Variants in ITIH3 observed in about 807,000 individuals in gnomAD.
ITIH3 encodes the protein inter-alpha-trypsin inhibitor heavy chain H3.
Under a neutral mutation model 96.5 loss-of-function variants are expected in ITIH3, and 81 were observed. The ratio of observed to expected loss-of-function variants is 0.84; its 90% CI spans 0.70 to 1.01. The LOEUF (loss-of-function observed/expected upper bound fraction) is 1.01. Among genes scored for constraint, ITIH3 ranks in the 50% least tolerant of loss-of-function variants. The pLI is 0.00. For missense variants in ITIH3, 1,057 were observed against 1,139.3 expected (o/e 0.93, Z 1.04); for synonymous variants, 422 against 445.2 (o/e 0.95, Z 0.66).
At chr3:52,804,864 G>GC (rs1699980413) in intron 15 of ITIH3, 130 bp downstream of exon 15, 3 of 984,510 alleles carry the variant, frequency 3.0e-6, no homozygotes, top group Non-Finnish European at 4.6e-6. Context: ...CTCAGGCCCA[G>GC]CCCTATTGCC....
Position 52,802,658 on chromosome 3 carries a change from C to T in ITIH3, c.1570-9C>T, listed in dbSNP as rs768346911. Reference sequence around the variant, plus strand: ...TCCAGCCCCTTGCCTCCTTCTACCCCCACCCTAGGCCACCAACGACCTGAC... The same window carrying T: ...TCCAGCCCCTTGCCTCCTTCTACCCTCACCCTAGGCCACCAACGACCTGAC... On this transcript the variant is annotated splice_polypyrimidine_tract_variant and intron_variant, in intron 12 of 21. Transcript: ENST00000449956. The T allele has an allele frequency of 1.9e-6, 3 of 1,613,728 alleles. No individual in the cohort carries two copies. The highest frequency in any genetic ancestry group is 2.7e-5 in the African/African-American group (2 of 74,884).
intron 8 of ITIH3, 43 bp from the exon 9 acceptor site, chr3:52,799,710 A>C (rs1578754679): frequency 1.3e-6 from 2 of 1,561,176 alleles, no homozygotes; most frequent in Middle Eastern, 1.8e-4. Flanking sequence ...AAGGGACCTC[A>C]CTCTCTGCTG....
intron 7 of ITIH3, 31 bp from the exon 8 acceptor site, chr3:52,799,341 A>G: frequency 1.3e-6 from 2 of 1,505,786 alleles, no homozygotes; most frequent in South Asian, 1.2e-5. Flanking sequence ...CTAAAAGGAC[A>G]CCGGCCTCCG....
chr3:52,800,444 T>G (rs1385381245), intron 9 of ITIH3, 94 bp from the exon 10 acceptor site: 2 of 1,473,316 alleles, frequency 1.4e-6, no homozygotes, highest in Admixed American at 2.1e-5. Context: ...GGCACATGAG[T>G]GGGGCCGGCT....
Position 52,798,865 on chromosome 3 carries a change from C to T in ITIH3, c.664-101C>T, listed in dbSNP as rs1055959999. On this transcript the variant is annotated intron_variant, in intron 6 of 21. Coordinates refer to ENST00000449956, the MANE Select transcript of ITIH3 (RefSeq NM_002217.4). ...AGCCTCTGCCCTGCCAAGGGCTCCTCCCTGTGAGGCTGCACCTCTGCTCCC... is the reference window on the plus strand; with the variant it reads ...AGCCTCTGCCCTGCCAAGGGCTCCTTCCTGTGAGGCTGCACCTCTGCTCCC... 4.8e-6 allele frequency: 7 copies of T among 1,444,154 alleles called. No homozygotes were observed. The East Asian group carries it at 9.8e-5, about 20-fold the overall frequency. The allele number at this position is 1,444,154 out of a possible 1,614,324, so 89.5% of individuals were successfully genotyped here. A position where few individuals can be genotyped will look rare whatever the true frequency, so the allele number is the denominator to read the frequency against.
At chr3:52,800,701 GT>G in intron 10 of ITIH3, 38 bp downstream of exon 10, 3 of 1,590,010 alleles carry the variant, frequency 1.9e-6, no homozygotes, top group Non-Finnish European at 2.6e-6. Flanking sequence ...TAGGGCTGGA[GT>G]GCTTGGCTGC....
At chr3:52,804,662 C>A in intron 14 of ITIH3, 64 bp from the exon 15 acceptor site, 1 of 1,550,822 alleles carries the variant, frequency 6.4e-7, no homozygotes, top group Non-Finnish European at 8.7e-7. Context: ...GCTCTGGTCC[C>A]TGCTCACAAG....
chr3:52,807,678 G>A (rs879231715), intron 19 of ITIH3, 69 bp from the exon 20 acceptor site: 16 of 1,499,984 alleles, frequency 1.1e-5, no homozygotes, highest in South Asian at 3.7e-5. Flanking sequence ...CCACCAAAAC[G>A]CCCTTGAGTC....
chr3:52,805,785 A>G (rs1700015793), intron 15 of ITIH3, 23 bp from the exon 16 acceptor site: 1 of 1,613,616 alleles, frequency 6.2e-7, no homozygotes, highest in Non-Finnish European at 8.5e-7. Context: ...GACCCTGCTC[A>G]CCACTGCCCT....
Position 52,808,151 on chromosome 3 carries a change from C to T in ITIH3, c.2473C>T (p.Arg825Trp), listed in dbSNP as rs200179055. 1.4e-4 allele frequency: 234 copies of T among 1,614,168 alleles called. 1 individual carries two copies. Among genetic ancestry groups the T allele is most frequent in the Non-Finnish European group, 1.9e-4 (220 of 1,180,032 alleles). ...QPFDFKVSDI[R>W]PGSDPTKPDA... ...CTTTGACTTTAAAGTGTCTGACATCCGGCCAGGCTCTGACCCCACAAAGCC... is the reference window on the plus strand; with the variant it reads ...CTTTGACTTTAAAGTGTCTGACATCTGGCCAGGCTCTGACCCCACAAAGCC... The change falls in exon 21 of 22, where the codon CGG becomes TGG. Residue 825 changes from arginine to tryptophan, a missense_variant. By Grantham distance (101) the Arg-to-Trp change is moderately radical. Transcript: ENST00000449956.
intron 14 of ITIH3, 45 bp from the exon 15 acceptor site, chr3:52,804,681 G>A (rs1287588240): frequency 6.4e-7 from 1 of 1,565,924 alleles, no homozygotes; most frequent in Non-Finnish European, 8.7e-7. Context: ...AGTGCCCTAT[G>A]GCTTCTAATG....
Position 52,799,834 on chromosome 3 carries a change from T to C in ITIH3, c.988T>C (p.Ser330Pro). 1 of 1,613,828 alleles carries C rather than the reference T, an allele frequency of 6.2e-7. No homozygotes were observed. The highest frequency in any genetic ancestry group is 1.3e-5 in the African/African-American group (1 of 75,042). ...LNFILFSGDV[S>P]TWKEHLVQAT... ...TTTCATCCTGTTCAGTGGAGATGTG[T>C]CCACATGGAAAGAGCACTTAGTCCA... The change falls in exon 9 of 22, where the codon TCC becomes CCC. Residue 330 changes from serine (S) to proline (P), a missense_variant. Physicochemically the swap from Ser to Pro is moderately conservative, Grantham distance 74 (BLOSUM62 -1). Coordinates refer to ENST00000449956, the MANE Select transcript of ITIH3 (RefSeq NM_002217.4).
rs1374163923 is a variant in ITIH3, at chr3:52,800,787, C to A, written c.1201+124C>A. 2.7e-6 allele frequency: 4 copies of A among 1,475,032 alleles called. No homozygotes were observed. The Admixed American group carries it at 6.1e-5, about 22-fold the overall frequency. The allele number at this position is 1,475,032 out of a possible 1,614,324, so 91.4% of individuals were successfully genotyped here. ...CCTGGGTTCCCTGTGGTCTGGGAGC[C>A]CCTCAAGGGCAGGGTCCTGCCTCCC... is the stretch of plus-strand genomic sequence containing the variant. On this transcript the variant is annotated intron_variant, in intron 10 of 21. Transcript: ENST00000449956.
intron 11 of ITIH3, among the ~76,000 whole-genome samples, chr3:52,801,986 C>A (rs1699846535): frequency 6.7e-6 from 1 of 150,366 alleles, no homozygotes. Context: ...CTGTCCACAT[C>A]ACTTTATCAT....
intron 14 of ITIH3, 48 bp downstream of exon 14, chr3:52,804,057 C>A: frequency 1.3e-6 from 2 of 1,581,052 alleles, no homozygotes; most frequent in Non-Finnish European, 1.7e-6. Flanking sequence ...CTGTGCTGGG[C>A]ACCCTACCTG....
At chr3:52,802,892 T>G in intron 13 of ITIH3, 86 bp downstream of exon 13, 6 of 1,491,046 alleles carry the variant, frequency 4.0e-6, no homozygotes, top group Non-Finnish European at 5.5e-6. Context: ...CCAGCGGTCC[T>G]GCCCTCTTCT....
intron 15 of ITIH3, chr3:52,805,166 C>CT (rs1323511692): frequency 8.1e-6 from 3 of 372,324 alleles, no homozygotes; most frequent in African/African-American, 6.6e-5. Flanking sequence ...CCAAGGCAGT[C>CT]TGGCCCCAAT....
At chr3:52,799,992 C>G (rs373605719) in intron 9 of ITIH3, 71 bp downstream of exon 9, 49 of 1,462,054 alleles carry the variant, frequency 3.4e-5, no homozygotes, top group Middle Eastern at 2.4e-4. Flanking sequence ...CCTGCAACCC[C>G]CCTCTTAGGG....
At chr3:52,804,650 C>T in intron 14 of ITIH3, 76 bp from the exon 15 acceptor site, 1 of 1,523,052 alleles carries the variant, frequency 6.6e-7, no homozygotes, top group Non-Finnish European at 8.9e-7. Flanking sequence ...GCCAAGCAGC[C>T]AGCTCTGGTC....
Sources: gnomAD v4.1 joint callset for allele counts (sites outside exome capture counted in the v4.1 genomes callset) on GRCh38, gnomAD v4.1.1 for gene constraint, MANE v1.5 for transcripts, NCBI Gene and HGNC (gene_info 2026-07-23, HGNC 2026-07-21) for gene names.